ZNF226: variants seen among roughly 807,000 people sequenced by gnomAD.
The protein encoded by ZNF226 is Kruppel-associated box protein.
ZNF226 carries 6 observed loss-of-function variants against 11.4 expected under a neutral mutation model. The ratio of observed to expected loss-of-function variants is 0.53; its 90% confidence interval spans 0.29 to 1.04. The LOEUF is 1.04. Among genes scored for constraint, ZNF226 ranks in the 50% least tolerant of loss-of-function variants. The probability of loss-of-function intolerance (pLI) is 0.08; values close to 1 mark genes in which losing one functional copy is unlikely to be tolerated. For synonymous variants in ZNF226, 350 were observed against 322.8 expected (o/e 1.08, Z -0.90); for missense variants, 1,058 against 956.5 (o/e 1.11, Z -1.40).
chr19:44,166,064 G>A (rs184935885), intron 2 of ZNF226, among the ~76,000 whole-genome samples: 38 of 152,300 alleles, frequency 2.5e-4, no homozygotes, highest in Admixed American at 2.5e-3. Flanking sequence ...AGCTAGCATT[G>A]AAACCGAGGC....
chr19:44,172,214 G>A lies in ZNF226; in HGVS notation c.142G>A (p.Gly48Arg). The A allele has an allele frequency of 6.2e-7, 1 of 1,610,386 alleles. No homozygotes were observed. The highest frequency in any genetic ancestry group is 1.1e-5 in the South Asian group (1 of 91,042). The change falls in exon 4 of 6, where the codon GGG (glycine) becomes AGG (arginine). Residue 48 changes from glycine (G) to arginine (R), a missense_variant and splice_region_variant. By Grantham distance (125) the Gly-to-Arg change is moderately radical. Coordinates refer to ENST00000337433, the MANE Select transcript of ZNF226 (RefSeq NM_001032373.2). ...VENFRNLLSVGHPPFKQDVSP... is the reference protein window; with the variant it reads ...VENFRNLLSVRHPPFKQDVSP... ...GAACTTTAGGAACCTGCTGTCAGTG[G>A]GTGAGGACAGCCTCCCTCTGGAATA...
the ZNF226 span, among the ~76,000 whole-genome samples, chr19:44,198,461 A>G: frequency 6.6e-6 from 1 of 152,266 alleles, no homozygotes; most frequent in African/African-American, 2.4e-5. Flanking sequence ...GTATAAATAT[A>G]TGTAGAAAAA....
chr19:44,192,875 G>A, the ZNF226 span, among the ~76,000 whole-genome samples: 1 of 152,114 alleles, frequency 6.6e-6, no homozygotes, highest in African/African-American at 2.4e-5. Context: ...TAGGTGAATG[G>A]ATTCTGGTTT....
Position 44,175,251 on chromosome 19 carries a change from G to A in ZNF226, c.236-247G>A, listed in dbSNP as rs1599733840. On this transcript the variant is annotated intron_variant, in intron 5 of 5. Coordinates refer to ENST00000337433, the MANE Select transcript of ZNF226 (RefSeq NM_001032373.2). ...ATGGAATAAAAAATTTAGATAGTAT[G>A]TCAGTAGTTGTGTTTTTAAATGGGT... The A allele has an allele frequency of 4.3e-6, 6 of 1,399,106 alleles. No homozygotes were observed. In the East Asian group the frequency reaches 1.1e-4, roughly 25 times the overall value. 86.7% of individuals were successfully genotyped at this position (1,399,106 alleles called of 1,614,324 possible).
At chr19:44,181,926 G>A (rs908002734), downstream of ZNF226, among the ~76,000 whole-genome samples, 4 of 152,160 alleles carry the variant, frequency 2.6e-5, no homozygotes, top group Non-Finnish European at 5.9e-5. Context: ...CGACCATGAG[G>A]AGATACATCG....
In ZNF226 at chr19:44,176,869, G is replaced by A; in HGVS notation, c.1607G>A (p.Cys536Tyr). 1.2e-6 allele frequency: 2 copies of A among 1,614,126 alleles called. No homozygotes were observed. The highest frequency in any genetic ancestry group is 2.2e-5 in the East Asian group (1 of 44,870). ...TGEKPYKCEICGKGFSQSSYL... is the reference protein window; with the variant it reads ...TGEKPYKCEIYGKGFSQSSYL... ...GAGAAACCCTATAAATGTGAGATATGTGGGAAGGGCTTCAGTCAAAGTTCG... is the reference window on the plus strand; with the variant it reads ...GAGAAACCCTATAAATGTGAGATATATGGGAAGGGCTTCAGTCAAAGTTCG... The change falls in exon 6 of 6, where the codon TGT (cysteine) becomes TAT (tyrosine). Residue 536 changes from cysteine to tyrosine, a missense_variant. By Grantham distance (194) the Cys-to-Tyr change is radical. Transcript: ENST00000337433.
chr19:44,189,301 TG>T, the ZNF226 span, among the ~76,000 whole-genome samples: 1 of 152,252 alleles, frequency 6.6e-6, no homozygotes, highest in Non-Finnish European at 1.5e-5. Flanking sequence ...GCCATGAACC[TG>T]GGCTTAAAGG....
the ZNF226 span, among the ~76,000 whole-genome samples, chr19:44,192,579 A>G: frequency 6.6e-6 from 1 of 152,334 alleles, no homozygotes; most frequent in South Asian, 2.1e-4. Context: ...CATGTTTCTC[A>G]TCAAATCATG....
In ZNF226 at chr19:44,176,183, TAA is replaced by T. The variant is rs1568571768; in HGVS notation, c.922_923del (p.Lys308ValfsTer2). On this transcript the variant is annotated frameshift_variant, in exon 6 of 6. Coordinates refer to ENST00000337433, the MANE Select transcript of ZNF226 (RefSeq NM_001032373.2). LOFTEE classifies it low-confidence loss of function (END_TRUNC). ...HQKVHVGEKL[K>X]CDECGKEFSQ... ...AGAAAGTACATGTGGGAGAAAAACTTAAGTGTGATGAGTGTGGTAAGGAATTC... is the reference window on the plus strand; with the variant it reads ...AGAAAGTACATGTGGGAGAAAAACTTGTGTGATGAGTGTGGTAAGGAATTC... 1 of 1,614,124 alleles carries T rather than the reference TAA, an allele frequency of 6.2e-7. No homozygotes were observed. The highest frequency in any genetic ancestry group is 1.7e-5 in the Admixed American group (1 of 60,016).
intron 2 of ZNF226, among the ~76,000 whole-genome samples, chr19:44,168,998 CTTTTTTTTTTTT>C (rs34967576): frequency 5.5e-5 from 5 of 90,804 alleles, no homozygotes; most frequent in East Asian, 3.0e-4. Flanking sequence ...CTCCCTTTTC[CTTTTTTTTTTTT>C]TTTTTTTTTT....
downstream of ZNF226, among the ~76,000 whole-genome samples, chr19:44,181,364 G>C (rs1970904296): frequency 6.6e-6 from 1 of 152,176 alleles, no homozygotes; most frequent in African/African-American, 2.4e-5. Flanking sequence ...CCTGGTGACA[G>C]AGTTGAGACA....
chr19:44,189,420 A>T, the ZNF226 span, among the ~76,000 whole-genome samples: 1 of 152,260 alleles, frequency 6.6e-6, no homozygotes, highest in South Asian at 2.1e-4. Context: ...CCCCAGAGGA[A>T]TTTATCCAGG....
chr19:44,179,146 C>T (rs1970868395), downstream of ZNF226, among the ~76,000 whole-genome samples: 1 of 152,116 alleles, frequency 6.6e-6, no homozygotes, highest in African/African-American at 2.4e-5. Flanking sequence ...TGCCACTGCA[C>T]TCTAGCCTGG....
chr19:44,176,860 G>T lies in ZNF226; in HGVS notation c.1598G>T (p.Cys533Phe). 1 of 1,614,084 alleles carries T rather than the reference G, an allele frequency of 6.2e-7. No individual in the cohort carries two copies. The highest frequency in any genetic ancestry group is 1.1e-5 in the South Asian group (1 of 91,080). The change falls in exon 6 of 6, where the codon TGT (cysteine) becomes TTT (phenylalanine). Residue 533 changes from cysteine to phenylalanine, a missense_variant. Physicochemically the swap from Cys to Phe is radical, Grantham distance 205 (BLOSUM62 -2). Transcript: ENST00000337433. ...CACACAGGAGAGAAACCCTATAAAT[G>T]TGAGATATGTGGGAAGGGCTTCAGT... is the stretch of plus-strand genomic sequence containing the variant. ...VVHTGEKPYK[C>F]EICGKGFSQS...
At position 44,176,949 on chromosome 19, in the gene ZNF226, G is replaced by A. The variant is rs1197769954; in HGVS notation, c.1687G>A (p.Glu563Lys). ...HSIEKPFKCE[E>K]CGQGFNQSSR... Reference sequence around the variant, plus strand: ...TATAGAGAAACCTTTTAAGTGTGAGGAGTGTGGGCAGGGTTTCAATCAGAG... The same window carrying A: ...TATAGAGAAACCTTTTAAGTGTGAGAAGTGTGGGCAGGGTTTCAATCAGAG... Residue 563 changes from glutamate (E) to lysine (K), a missense_variant, in exon 6 of 6, where the codon GAG (glutamate) becomes AAG (lysine). Transcript: ENST00000337433. 6.2e-7 allele frequency: 1 copy of A among 1,613,954 alleles called. No individual in the cohort carries two copies.
chr19:44,198,462 T>C, the ZNF226 span, among the ~76,000 whole-genome samples: 1 of 152,370 alleles, frequency 6.6e-6, no homozygotes, highest in South Asian at 2.1e-4. Context: ...TATAAATATA[T>C]GTAGAAAAAT....
chr19:44,198,236 G>A, the ZNF226 span, among the ~76,000 whole-genome samples: 25 of 152,010 alleles, frequency 1.6e-4, no homozygotes, highest in East Asian at 4.1e-3. Flanking sequence ...ATGTCTTATC[G>A]CATAAACCCA....
chr19:44,193,630 A>G, the ZNF226 span, among the ~76,000 whole-genome samples: 1 of 152,192 alleles, frequency 6.6e-6, no homozygotes. Context: ...GGCTAGAAAA[A>G]TAAACTTCCA....
Position 44,176,719 on chromosome 19 carries a change from T to C in ZNF226, c.1457T>C (p.Leu486Pro). 1 of 1,613,310 alleles carries C rather than the reference T, an allele frequency of 6.2e-7. No individual in the cohort carries two copies. The highest frequency in any genetic ancestry group is 2.2e-5 in the East Asian group (1 of 44,770). The part of the protein sequence containing the change: ...ICTVCGKGFT[L>P]SSNLQAHQRV... ...ACTGTATGTGGGAAAGGCTTTACTC[T>C]GAGTTCAAATCTTCAAGCCCATCAG... Residue 486 changes from leucine to proline, a missense_variant, in exon 6 of 6, where the codon CTG becomes CCG. Physicochemically the swap from Leu to Pro is moderately conservative, Grantham distance 98. Coordinates refer to ENST00000337433, the MANE Select transcript of ZNF226 (RefSeq NM_001032373.2).
Sources: allele counts gnomAD v4.1 joint callset (sites outside exome capture counted in the v4.1 genomes callset), GRCh38; gene constraint gnomAD v4.1.1; transcripts MANE v1.5; gene names NCBI Gene and HGNC (gene_info 2026-07-23, HGNC 2026-07-21).